STARD13: variants seen among roughly 807,000 people sequenced by gnomAD.
STARD13 encodes stAR-related lipid transfer protein 13.
STARD13 carries 62 observed loss-of-function variants against 106.4 expected under a neutral mutation model. The ratio of observed to expected loss-of-function variants is 0.58; its 90% confidence interval spans 0.48 to 0.72. The LOEUF is 0.72. Among genes scored for constraint, STARD13 ranks in the 30% least tolerant of loss-of-function variants. The pLI is 0.00. For missense variants in STARD13, 1,387 were observed against 1,424.0 expected (o/e 0.97, Z 0.42); for synonymous variants, 565 against 553.0 (o/e 1.02, Z -0.31).
At chr13:33,265,044 T>A (rs1476843624) in intron 1 of STARD13, among the ~76,000 whole-genome samples, 1 of 152,098 alleles carries the variant, frequency 6.6e-6, no homozygotes, top group Non-Finnish European at 1.5e-5. Flanking sequence ...TCAGGATCAT[T>A]TGCGCATTTT....
intron 1 of STARD13, among the ~76,000 whole-genome samples, chr13:33,214,669 C>T (rs1186484086): frequency 6.7e-6 from 1 of 148,870 alleles, no homozygotes; most frequent in South Asian, 2.1e-4. Context: ...CACAAACACA[C>T]ACATGCAGAT....
At position 33,106,874 on chromosome 13, in the gene STARD13, A is replaced by T. The variant is rs368036706; in HGVS notation, c.3108T>A (p.His1036Gln). The T allele has an allele frequency of 3.1e-6, 5 of 1,614,040 alleles. No individual in the cohort carries two copies. Among genetic ancestry groups the T allele is most frequent in the Admixed American group, 1.7e-5 (1 of 60,002 alleles). The change falls in exon 13 of 14, where the codon CAT (histidine) becomes CAA (glutamine). Residue 1036 changes from histidine to glutamine, a missense_variant. Transcript: ENST00000336934. ...MCTLVSLSVE[H>Q]EEAQLLGGVR... Reference sequence around the variant, plus strand: ...CACCACCCAGGAGCTGGGCTTCCTCATGCTCCACGGAGAGGGACACCAGGG... The same window carrying T: ...CACCACCCAGGAGCTGGGCTTCCTCTTGCTCCACGGAGAGGGACACCAGGG...
the STARD13 span, among the ~76,000 whole-genome samples, chr13:33,406,855 G>A: frequency 6.6e-6 from 1 of 152,292 alleles, no homozygotes; most frequent in East Asian, 1.9e-4. Flanking sequence ...AGCCAGGCAC[G>A]GGTGCATCAC....
At chr13:33,493,365 T>A in the STARD13 span, among the ~76,000 whole-genome samples, 6 of 152,174 alleles carry the variant, frequency 3.9e-5, no homozygotes, top group Admixed American at 3.9e-4. Flanking sequence ...TCTCACGTGA[T>A]CAGTAAAGCT....
At chr13:33,550,210 A>G in the STARD13 span, among the ~76,000 whole-genome samples, 1 of 152,228 alleles carries the variant, frequency 6.6e-6, no homozygotes, top group Non-Finnish European at 1.5e-5. Flanking sequence ...AAGAGCCACT[A>G]GTACCAAATG....
chr13:33,137,647 T>A (rs2138208701), intron 4 of STARD13, among the ~76,000 whole-genome samples: 1 of 152,304 alleles, frequency 6.6e-6, no homozygotes, highest in South Asian at 2.1e-4. Context: ...GAGAAGCTTA[T>A]AATAAACAGT....
chr13:33,464,041 A>G, the STARD13 span, among the ~76,000 whole-genome samples: 2 of 133,004 alleles, frequency 1.5e-5, no homozygotes, highest in African/African-American at 5.4e-5. Flanking sequence ...ATATATATAT[A>G]TGTATATGTA....
At chr13:33,212,322 A>C (rs1274878219) in intron 1 of STARD13, among the ~76,000 whole-genome samples, 1 of 152,226 alleles carries the variant, frequency 6.6e-6, no homozygotes, top group African/African-American at 2.4e-5. Context: ...TTCGTGACCA[A>C]CTGTTCCTTT....
At chr13:33,166,653 T>C (rs775954203) in intron 2 of STARD13, among the ~76,000 whole-genome samples, 5 of 152,186 alleles carry the variant, frequency 3.3e-5, no homozygotes, top group Non-Finnish European at 7.3e-5. Flanking sequence ...GCTTTGGTTA[T>C]AACTTTAGAT....
intron 1 of STARD13, among the ~76,000 whole-genome samples, chr13:33,260,446 C>T (rs1890584198): frequency 6.6e-6 from 1 of 152,192 alleles, no homozygotes; most frequent in Non-Finnish European, 1.5e-5. Flanking sequence ...TCTTACTGCC[C>T]TCTACATTTT....
At chr13:33,440,234 G>A in the STARD13 span, among the ~76,000 whole-genome samples, 48 of 150,452 alleles carry the variant, frequency 3.2e-4, no homozygotes, top group African/African-American at 1.0e-3. Context: ...AACCGTGATC[G>A]TGTCACTGCA....
chr13:33,478,445 T>C, the STARD13 span, among the ~76,000 whole-genome samples: 19 of 152,356 alleles, frequency 1.2e-4, no homozygotes, highest in African/African-American at 4.6e-4. Context: ...TATATATTTT[T>C]TAACATTGAT....
chr13:33,239,291 T>A (rs1889351546), intron 1 of STARD13, among the ~76,000 whole-genome samples: 1 of 152,204 alleles, frequency 6.6e-6, no homozygotes, highest in Non-Finnish European at 1.5e-5. Flanking sequence ...CAATGGACAT[T>A]TAGGTTGCTT....
rs764360100 is a variant in STARD13, at chr13:33,129,300, A to G, written c.1377T>C (p.Tyr459=). The change falls in exon 5 of 14, where the codon TAT becomes TAC. Residue 459 remains tyrosine, a synonymous_variant. Coordinates refer to ENST00000336934, the MANE Select transcript of STARD13 (RefSeq NM_178006.4). ...ACAGATGGGAGCCAGGGACATTGTC[A>G]TAGATACTGACTCGGCTGGCTCTGT... The part of the protein sequence containing the change: ...SCHRASRVSI[Y]DNVPGSHLYA... 6.2e-7 allele frequency: 1 copy of G among 1,614,172 alleles called. No homozygotes were observed. The highest frequency in any genetic ancestry group is 8.5e-7 in the Non-Finnish European group (1 of 1,180,022).
intron 1 of STARD13, among the ~76,000 whole-genome samples, chr13:33,218,172 TG>T (rs944740582): frequency 2.0e-5 from 3 of 152,138 alleles, no homozygotes; most frequent in African/African-American, 7.2e-5. Context: ...AGTTACCCTA[TG>T]GTTTAAGAGG....
chr13:33,210,270 G>A (rs1402212713), intron 1 of STARD13, among the ~76,000 whole-genome samples: 2 of 152,214 alleles, frequency 1.3e-5, no homozygotes, highest in Non-Finnish European at 2.9e-5. Flanking sequence ...CAGACAATTT[G>A]CAAATTCCGG....
chr13:33,319,453 T>C (rs921575945), intron 1 of STARD13, among the ~76,000 whole-genome samples: 14 of 152,204 alleles, frequency 9.2e-5, no homozygotes, highest in Non-Finnish European at 1.5e-4. Context: ...TGGAATTAAA[T>C]AGTGATGATG....
the STARD13 span, among the ~76,000 whole-genome samples, chr13:33,537,416 A>AT: frequency 6.6e-6 from 1 of 152,248 alleles, no homozygotes; most frequent in Admixed American, 6.5e-5. Context: ...TGTATCAGAC[A>AT]TTTTACAAAC....
chr13:33,589,866 G>C, the STARD13 span, among the ~76,000 whole-genome samples: 1 of 152,128 alleles, frequency 6.6e-6, no homozygotes, highest in Non-Finnish European at 1.5e-5. Context: ...TCAACTTTCT[G>C]TCTCGTTGAT....
Sources: gnomAD v4.1 joint callset for allele counts (sites outside exome capture counted in the v4.1 genomes callset) on GRCh38, gnomAD v4.1.1 for gene constraint, MANE v1.5 for transcripts, NCBI Gene and HGNC (gene_info 2026-07-23, HGNC 2026-07-21) for gene names.